The following GAREM1 variants were observed in gnomAD, a reference collection of about 807,000 sequenced individuals.
GAREM1 encodes the protein GRB2-associated and regulator of MAPK protein 1.
A neutral mutation model predicts 71.3 loss-of-function variants in GAREM1; 26 were observed. The observed-to-expected ratio is 0.36, with a 90% CI of 0.27 to 0.51. The LOEUF (loss-of-function observed/expected upper bound fraction) is 0.51, where lower values mean the gene tolerates loss of function less well. Among genes scored for constraint, GAREM1 ranks in the 20% least tolerant of loss-of-function variants. The pLI is 0.95. For missense variants in GAREM1, 1,026 were observed against 1,103.1 expected (o/e 0.93, Z 0.99); for synonymous variants, 440 against 433.2 (o/e 1.02, Z -0.20).
chr18:32,440,177 A>T (rs2048720665), intron 1 of GAREM1, among the ~76,000 whole-genome samples: 1 of 152,204 alleles, frequency 6.6e-6, no homozygotes, highest in Non-Finnish European at 1.5e-5. Flanking sequence ...AAGACTCCAC[A>T]GATATTAACT....
intron 2 of GAREM1, among the ~76,000 whole-genome samples, chr18:32,354,873 A>G (rs2047789243): frequency 2.0e-5 from 3 of 152,218 alleles, no homozygotes; most frequent in Admixed American, 1.3e-4. Context: ...GCCTGATGGT[A>G]AATTTACCAT....
chr18:32,359,114 T>C (rs996213560), intron 2 of GAREM1, among the ~76,000 whole-genome samples: 3 of 152,230 alleles, frequency 2.0e-5, no homozygotes, highest in South Asian at 2.1e-4. Context: ...CAAAAAACTA[T>C]GCTGCCTGCT....
intron 2 of GAREM1, among the ~76,000 whole-genome samples, chr18:32,319,387 T>C (rs2047409193): frequency 6.6e-6 from 1 of 152,200 alleles, no homozygotes; most frequent in African/African-American, 2.4e-5. Context: ...TAAGCTAGAG[T>C]TTCTGTGGGA....
intron 1 of GAREM1, among the ~76,000 whole-genome samples, chr18:32,402,586 ATAACTGTAGGAGC>A (rs2048325380): frequency 6.6e-6 from 1 of 152,054 alleles, no homozygotes; most frequent in African/African-American, 2.4e-5. Context: ...GACATTTGCC[ATAACTGTAGGAGC>A]TATCGAGGCT....
intron 2 of GAREM1, among the ~76,000 whole-genome samples, chr18:32,335,813 T>C (rs750075289): frequency 9.9e-5 from 15 of 152,258 alleles, no homozygotes; most frequent in Admixed American, 3.3e-4. Flanking sequence ...ACAATTCTAG[T>C]TGCAATTCAG....
intron 2 of GAREM1, among the ~76,000 whole-genome samples, chr18:32,323,434 C>CTA (rs963983361): frequency 6.6e-6 from 1 of 152,162 alleles, no homozygotes; most frequent in African/African-American, 2.4e-5. Flanking sequence ...CATTTAAGAC[C>CTA]TATACTATTG....
At chr18:32,467,937 G>T (rs778983342) in intron 1 of GAREM1, among the ~76,000 whole-genome samples, 1 of 152,128 alleles carries the variant, frequency 6.6e-6, no homozygotes, top group Non-Finnish European at 1.5e-5. Flanking sequence ...AACATGCAAA[G>T]AATCTATGAT....
intron 3 of GAREM1, among the ~76,000 whole-genome samples, chr18:32,303,761 A>C (rs2047221966): frequency 6.6e-6 from 1 of 151,804 alleles, no homozygotes; most frequent in South Asian, 2.1e-4. Flanking sequence ...TCTACAGAAA[A>C]AATTTAAAAA....
Position 32,285,050 on chromosome 18 carries a change from G to A in GAREM1, c.1566+1981C>T, listed in dbSNP as rs528657300. On this transcript the variant is annotated intron_variant, in intron 4 of 5. Coordinates refer to ENST00000269209, the MANE Select transcript of GAREM1 (RefSeq NM_001242409.2). The stretch of plus-strand genomic sequence containing the variant: ...AGGTGTGAGCCACTGCGCCTGGCCC[G>A]CCCCCTTACTTTTTACCCGGCTTTT... Among the ~76,000 whole-genome samples the A allele has an allele frequency of 2.0e-5, 3 of 151,956 alleles. No homozygotes were observed. In the East Asian group the frequency reaches 5.8e-4, roughly 30 times the overall value.
intron 2 of GAREM1, among the ~76,000 whole-genome samples, chr18:32,330,943 C>T (rs1190723955): frequency 6.6e-6 from 1 of 152,146 alleles, no homozygotes; most frequent in Non-Finnish European, 1.5e-5. Context: ...TTCCAGCACT[C>T]TTTACAGTTC....
At chr18:32,314,721 T>G (rs990080068) in intron 2 of GAREM1, among the ~76,000 whole-genome samples, 5 of 151,948 alleles carry the variant, frequency 3.3e-5, no homozygotes, top group African/African-American at 1.2e-4. Context: ...CCTGAGTAGC[T>G]GGGATTACAG....
intron 1 of GAREM1, among the ~76,000 whole-genome samples, chr18:32,431,650 G>C (rs183793653): frequency 2.2e-4 from 34 of 151,974 alleles, no homozygotes; most frequent in Admixed American, 1.9e-3. Flanking sequence ...ATAAATAAAG[G>C]AATAATGGCT....
At chr18:32,354,332 T>C (rs1018044979) in intron 2 of GAREM1, among the ~76,000 whole-genome samples, 4 of 152,168 alleles carry the variant, frequency 2.6e-5, no homozygotes, top group Non-Finnish European at 4.4e-5. Flanking sequence ...TATAATATAT[T>C]GGATTTCAGT....
At position 32,267,721 on chromosome 18, in the gene GAREM1, T is replaced by C; in HGVS notation, c.*150A>G. 1.6e-6 allele frequency: 1 copy of C among 628,162 alleles called. No individual in the cohort carries two copies. Among genetic ancestry groups the C allele is most frequent in the Non-Finnish European group, 2.7e-6 (1 of 364,500 alleles). 38.9% of individuals were successfully genotyped at this position (628,162 alleles called of 1,614,324 possible). A position where few individuals can be genotyped will look rare whatever the true frequency, so the allele number is the denominator to read the frequency against. On this transcript the variant is annotated 3_prime_UTR_variant, in exon 6 of 6. Transcript: ENST00000269209. ...GATGTACAAAATAGCCTGTTCACCA[T>C]TCAAAAACGTAATCTGCATAGTAAG...
At chr18:32,352,162 T>C (rs1287311833) in intron 2 of GAREM1, among the ~76,000 whole-genome samples, 4 of 152,148 alleles carry the variant, frequency 2.6e-5, no homozygotes, top group Admixed American at 2.6e-4. Context: ...TACAAACATA[T>C]GGTATTCCAA....
At chr18:32,374,034 C>T (rs951272821) in intron 2 of GAREM1, among the ~76,000 whole-genome samples, 3 of 152,206 alleles carry the variant, frequency 2.0e-5, no homozygotes, top group African/African-American at 7.2e-5. Context: ...CTTTCATAAA[C>T]TGAGACATGA....
chr18:32,271,696 A>G (rs2041465569), intron 4 of GAREM1, among the ~76,000 whole-genome samples: 1 of 152,214 alleles, frequency 6.6e-6, no homozygotes. Context: ...AGTACTTTTT[A>G]TAAGAGCTGC....
chr18:32,418,409 T>C (rs1304449531), intron 1 of GAREM1, among the ~76,000 whole-genome samples: 1 of 152,170 alleles, frequency 6.6e-6, no homozygotes, highest in Non-Finnish European at 1.5e-5. Flanking sequence ...TAGGGCTCAA[T>C]TCCACCTTGT....
At chr18:32,325,558 A>G (rs2047466689) in intron 2 of GAREM1, among the ~76,000 whole-genome samples, 1 of 152,202 alleles carries the variant, frequency 6.6e-6, no homozygotes, top group Non-Finnish European at 1.5e-5. Flanking sequence ...TAAAAAACAG[A>G]AAAAAGGAAG....
Sources: gnomAD v4.1 joint callset for allele counts (sites outside exome capture counted in the v4.1 genomes callset) on GRCh38, gnomAD v4.1.1 for gene constraint, MANE v1.5 for transcripts, NCBI Gene and HGNC (gene_info 2026-07-23, HGNC 2026-07-21) for gene names.